CMKLR1: variants seen among roughly 807,000 people sequenced by gnomAD.
The protein encoded by CMKLR1 is chemerin chemokine-like receptor 1, also known as chemerin-like receptor 1.
CMKLR1 carries 6 observed loss-of-function variants against 8.2 expected under a neutral mutation model. The ratio of observed to expected loss-of-function variants is 0.73; its 90% CI spans 0.40 to 1.44. The LOEUF (loss-of-function observed/expected upper bound fraction) is 1.44. Ranked by LOEUF, CMKLR1 falls within the 40% of genes most tolerant of loss-of-function variation. The pLI, the probability that CMKLR1 is intolerant of heterozygous loss-of-function variation, is 0.02. For missense variants in CMKLR1, 429 were observed against 478.0 expected, an observed-to-expected ratio of 0.90 and a Z score of 0.96; for synonymous variants, 178 against 181.2, an observed-to-expected ratio of 0.98 and a Z score of 0.14.
intron 1 of CMKLR1, among the ~76,000 whole-genome samples, chr12:108,332,743 C>A (rs770172538): frequency 2.3e-4 from 35 of 152,098 alleles, no homozygotes; most frequent in Non-Finnish European, 4.7e-4. Context: ...AATAAGCTCC[C>A]CCTTTTTATA....
At chr12:108,313,980 C>T (rs933778412) in intron 2 of CMKLR1, among the ~76,000 whole-genome samples, 1 of 152,192 alleles carries the variant, frequency 6.6e-6, no homozygotes, top group African/African-American at 2.4e-5. Flanking sequence ...TCCTCTGCAT[C>T]ATTCTTAACC....
chr12:108,308,034 C>T lies in CMKLR1; in HGVS notation c.-73-14370G>A, dbSNP rs554698831. On this transcript the variant is annotated intron_variant, in intron 2 of 3. Transcript: ENST00000550402. ...ATTCAGTGAAGTGACCGAGTGAGCACGTGGGTAGAATCAGGAGCTCCAGGC... is the reference window on the plus strand; with the variant it reads ...ATTCAGTGAAGTGACCGAGTGAGCATGTGGGTAGAATCAGGAGCTCCAGGC... Among the ~76,000 whole-genome samples the T allele has an allele frequency of 3.3e-5, 5 of 152,336 alleles. No individual in the cohort carries two copies. The South Asian group carries it at 8.3e-4, about 25-fold the overall frequency.
intron 2 of CMKLR1, among the ~76,000 whole-genome samples, chr12:108,295,122 G>A (rs1891098255): frequency 6.6e-6 from 1 of 152,216 alleles, no homozygotes; most frequent in African/African-American, 2.4e-5. Context: ...CCCATGACTG[G>A]AGGTAACCTG....
chr12:108,333,797 G>A (rs1892162104), intron 1 of CMKLR1, among the ~76,000 whole-genome samples: 1 of 152,200 alleles, frequency 6.6e-6, no homozygotes, highest in Non-Finnish European at 1.5e-5. Flanking sequence ...TAGAATTACT[G>A]CCTCTTGATT....
intron 2 of CMKLR1, among the ~76,000 whole-genome samples, chr12:108,320,176 C>T (rs1408377896): frequency 6.6e-6 from 1 of 152,118 alleles, no homozygotes; most frequent in Non-Finnish European, 1.5e-5. Context: ...ATTGCACTTT[C>T]ACATGATACA....
chr12:108,332,614 A>G (rs924199891), intron 1 of CMKLR1, among the ~76,000 whole-genome samples: 1 of 152,144 alleles, frequency 6.6e-6, no homozygotes, highest in African/African-American at 2.4e-5. Context: ...TCTTTCTACC[A>G]TGCTGGATGC....
chr12:108,293,033 C>T, intron 3 of CMKLR1, 74 bp from the exon 4 acceptor site: 1 of 1,358,492 alleles, frequency 7.4e-7, no homozygotes, highest in African/African-American at 1.5e-5. Flanking sequence ...CCAGCAAGAC[C>T]AACAATGTTC....
intron 2 of CMKLR1, among the ~76,000 whole-genome samples, chr12:108,311,615 G>A (rs1891578434): frequency 6.6e-6 from 1 of 152,168 alleles, no homozygotes; most frequent in Non-Finnish European, 1.5e-5. Context: ...GACAGAGCAA[G>A]ACTTTGCCTC....
Position 108,292,169 on chromosome 12 carries a change from A to T in CMKLR1, c.794T>A (p.Ile265Asn). Residue 265 changes from isoleucine to asparagine, a missense_variant, in exon 4 of 4, where the codon ATC becomes AAC. Ile to Asn is a moderately radical substitution (Grantham distance 149, BLOSUM62 -3). Coordinates refer to ENST00000550402, the MANE Select transcript of CMKLR1 (RefSeq NM_001142343.2). The part of the protein sequence containing the change: ...TKKPFKIIVT[I>N]IITFFLCWCP... ...CCAGCAGAGGAAGAAGGTAATGATGATGGTCACAATAATCTTGAAGGGCTT... is the reference window on the plus strand; with the variant it reads ...CCAGCAGAGGAAGAAGGTAATGATGTTGGTCACAATAATCTTGAAGGGCTT... 5 of 1,614,154 alleles carry T rather than the reference A, an allele frequency of 3.1e-6. No homozygotes were observed. The highest frequency in any genetic ancestry group is 4.2e-6 in the Non-Finnish European group (5 of 1,180,034).
chr12:108,320,333 A>T (rs144394600), intron 2 of CMKLR1, among the ~76,000 whole-genome samples: 1,899 of 152,154 alleles, frequency 0.012, 41 homozygotes, highest in African/African-American at 0.043. Flanking sequence ...TGACTAGGGG[A>T]CGAAGCCCTG....
At chr12:108,321,759 C>T (rs1288775305) in intron 2 of CMKLR1, among the ~76,000 whole-genome samples, 2 of 152,216 alleles carry the variant, frequency 1.3e-5, no homozygotes, top group African/African-American at 2.4e-5. Flanking sequence ...TAGCTCCTCC[C>T]CACACAGCCC....
At chr12:108,297,011 C>T (rs1350155624) in intron 2 of CMKLR1, among the ~76,000 whole-genome samples, 1 of 152,156 alleles carries the variant, frequency 6.6e-6, no homozygotes, top group Non-Finnish European at 1.5e-5. Flanking sequence ...TTCCTTAAAT[C>T]CTCCACAACC....
chr12:108,290,812 GGGACTCTCC>G lies in CMKLR1; in HGVS notation c.*1020_*1028del, dbSNP rs533760794. ...TCCTCGGACATACTCTTCTTCCCAGGGGACTCTCCGGAGTTGCTTCCCAAAGCTGCATTT... is the reference window on the plus strand; with the variant it reads ...TCCTCGGACATACTCTTCTTCCCAGGGGAGTTGCTTCCCAAAGCTGCATTT... On this transcript the variant is annotated 3_prime_UTR_variant, in exon 4 of 4. Transcript: ENST00000550402. 12 of 152,364 alleles carry G rather than the reference GGGACTCTCC, an allele frequency of 7.9e-5. No homozygotes were observed. The highest frequency in any genetic ancestry group is 2.4e-4 in the African/African-American group (10 of 41,584). 9.4% of individuals were successfully genotyped at this position (152,364 alleles called of 1,614,324 possible). A position where few individuals can be genotyped will look rare whatever the true frequency, so the allele number is the denominator to read the frequency against.
intron 2 of CMKLR1, among the ~76,000 whole-genome samples, chr12:108,301,839 C>T (rs533078378): frequency 6.6e-6 from 1 of 152,192 alleles, no homozygotes; most frequent in Non-Finnish European, 1.5e-5. Flanking sequence ...GGAATCCAGC[C>T]TCCACCTCTC....
rs1375868473 is a variant in CMKLR1 at position 108,291,998 on chromosome 12, T to A, written c.965A>T (p.Asp322Val). Residue 322 changes from aspartate to valine, a missense_variant, in exon 4 of 4, where the codon GAC becomes GTC. Asp to Val is a radical substitution (Grantham distance 152). Coordinates refer to ENST00000550402, the MANE Select transcript of CMKLR1 (RefSeq NM_001142343.2). ...GAGGGCCACCTTGAACTTCTTGAAGTCCTGACCCATGAAAACATACAGAAT... is the reference window on the plus strand; with the variant it reads ...GAGGGCCACCTTGAACTTCTTGAAGACCTGACCCATGAAAACATACAGAAT... ...NPILYVFMGQ[D>V]FKKFKVALFS... 2.5e-6 allele frequency: 4 copies of A among 1,614,066 alleles called. No individual in the cohort carries two copies. The Admixed American group carries it at 6.7e-5, about 27-fold the overall frequency.
chr12:108,315,347 T>C (rs539531688), intron 2 of CMKLR1, among the ~76,000 whole-genome samples: 1 of 152,228 alleles, frequency 6.6e-6, no homozygotes, highest in East Asian at 1.9e-4. Flanking sequence ...ACAGGTAGAG[T>C]GACCCTCCAT....
chr12:108,331,698 G>A (rs1011016036), intron 1 of CMKLR1, among the ~76,000 whole-genome samples: 1 of 152,186 alleles, frequency 6.6e-6, no homozygotes, highest in Admixed American at 6.5e-5. Flanking sequence ...ATGAGACAGA[G>A]AGGCAGGAGA....
rs1427490831 is a variant in CMKLR1 at position 108,292,655 on chromosome 12, T to C, written c.308A>G (p.Tyr103Cys). 5 of 1,614,110 alleles carry C rather than the reference T, an allele frequency of 3.1e-6. No individual in the cohort carries two copies. Among genetic ancestry groups the C allele is most frequent in the Non-Finnish European group, 4.2e-6 (5 of 1,180,026 alleles). ...PIHITYAAMDYHWVFGTAMCK... is the reference protein window; with the variant it reads ...PIHITYAAMDCHWVFGTAMCK... ...CATGGCTGTCCCGAAAACCCAGTGG[T>C]AGTCCATGGCGGCATAGGTGATATG... The change falls in exon 4 of 4, where the codon TAC becomes TGC. Residue 103 changes from tyrosine to cysteine, a missense_variant. By Grantham distance (194) the Tyr-to-Cys change is radical. Coordinates refer to ENST00000550402, the MANE Select transcript of CMKLR1 (RefSeq NM_001142343.2).
rs1477830659 is a variant in CMKLR1 at position 108,289,330 on chromosome 12, T to C, written c.*2511A>G. 6.6e-6 allele frequency: 1 copy of C among 152,162 alleles called. No homozygotes were observed. Among genetic ancestry groups the C allele is most frequent in the Non-Finnish European group, 1.5e-5 (1 of 68,074 alleles). The allele number at this position is 152,162 out of a possible 1,614,324, so 9.4% of individuals were successfully genotyped here. ...GCAGGGACGATATATGCATGACCCA[T>C]GGAGATGTTCACATGAAGCTGTGGG... On this transcript the variant is annotated 3_prime_UTR_variant, in exon 4 of 4. Coordinates refer to ENST00000550402, the MANE Select transcript of CMKLR1 (RefSeq NM_001142343.2).
Sources: allele counts gnomAD v4.1 joint callset (sites outside exome capture counted in the v4.1 genomes callset), GRCh38; gene constraint gnomAD v4.1.1; transcripts MANE v1.5; gene names NCBI Gene and HGNC (gene_info 2026-07-23, HGNC 2026-07-21).